PPP3CA: variants seen among roughly 807,000 people sequenced by gnomAD.
PPP3CA encodes the protein protein phosphatase 3 catalytic subunit alpha, also known as CAM-PRP catalytic subunit.
In PPP3CA, 14 loss-of-function variants were observed where a neutral mutation model predicts 66.5. That is an observed-to-expected ratio of 0.21 (90% CI 0.14 to 0.33). The LOEUF (loss-of-function observed/expected upper bound fraction) is 0.33, where lower values mean the gene tolerates loss of function less well. PPP3CA is among the 10% of genes least tolerant of loss of function. PPP3CA has a pLI of 1.00. For missense variants in PPP3CA, 317 were observed against 639.5 expected (o/e 0.50, Z 5.44); for synonymous variants, 232 against 226.2 (o/e 1.03, Z -0.23).
rs1208130262 is a variant in PPP3CA at position 101,090,906 on chromosome 4, C to G, written c.782+2870G>C. Among the ~76,000 whole-genome samples, 25 of 104,672 alleles carry G rather than the reference C, an allele frequency of 2.4e-4. 1 individual carries two copies. The highest frequency in any genetic ancestry group is 1.1e-3 in the African/African-American group (23 of 20,238). 68.7% of individuals were successfully genotyped at this position (104,672 alleles called of 152,430 possible). A position where few individuals can be genotyped will look rare whatever the true frequency, so the allele number is the denominator to read the frequency against. The stretch of plus-strand genomic sequence containing the variant: ...TTATAATATACACACATATCTGTGT[C>G]TATATTATAATATACACACATATCT... On this transcript the variant is annotated intron_variant, in intron 6 of 13. Coordinates refer to ENST00000394854, the MANE Select transcript of PPP3CA (RefSeq NM_000944.5).
intron 8 of PPP3CA, among the ~76,000 whole-genome samples, chr4:101,074,691 C>T (rs1182258186): frequency 6.6e-6 from 1 of 152,180 alleles, no homozygotes; most frequent in African/African-American, 2.4e-5. Flanking sequence ...AAGCCTATGA[C>T]TCCTTTTTGA....
intron 13 of PPP3CA, among the ~76,000 whole-genome samples, chr4:101,028,183 AAAAC>A (rs1406851696): frequency 1.3e-5 from 2 of 152,204 alleles, no homozygotes; most frequent in African/African-American, 2.4e-5. Flanking sequence ...AATTTTGAGA[AAAAC>A]AAAAAAGTTA....
intron 1 of PPP3CA, among the ~76,000 whole-genome samples, chr4:101,294,866 A>T (rs1267055499): frequency 7.0e-6 from 1 of 143,722 alleles, no homozygotes; most frequent in Admixed American, 6.9e-5. Context: ...AGAAACCACT[A>T]AAAAAAAAAA....
At chr4:101,169,939 T>C (rs1214878465) in intron 2 of PPP3CA, among the ~76,000 whole-genome samples, 3 of 152,186 alleles carry the variant, frequency 2.0e-5, no homozygotes, top group Non-Finnish European at 2.9e-5. Context: ...TGTCATGCAG[T>C]ATATTTTGAA....
chr4:101,259,176 C>G (rs1026056242), intron 1 of PPP3CA, among the ~76,000 whole-genome samples: 11 of 152,154 alleles, frequency 7.2e-5, no homozygotes, highest in African/African-American at 2.7e-4. Context: ...AGCCACCCCC[C>G]ACATACCAAC....
chr4:101,267,956 G>A (rs977325574), intron 1 of PPP3CA, among the ~76,000 whole-genome samples: 1 of 151,936 alleles, frequency 6.6e-6, no homozygotes, highest in Non-Finnish European at 1.5e-5. Context: ...ATATTTGATA[G>A]CCTGAGTTAA....
At chr4:101,298,339 GATAT>G (rs3078022) in intron 1 of PPP3CA, among the ~76,000 whole-genome samples, 15 of 143,730 alleles carry the variant, frequency 1.0e-4, no homozygotes, top group African/African-American at 2.3e-4. Flanking sequence ...CAAGCAGGGA[GATAT>G]ATATATATAT....
At chr4:101,202,466 T>C (rs1282017805) in intron 1 of PPP3CA, among the ~76,000 whole-genome samples, 1 of 152,140 alleles carries the variant, frequency 6.6e-6, no homozygotes, top group African/African-American at 2.4e-5. Flanking sequence ...TATATCAGTA[T>C]GGGGGATATG....
intron 11 of PPP3CA, 78 bp downstream of exon 11, chr4:101,040,404 C>A: frequency 1.0e-6 from 1 of 972,234 alleles, no homozygotes; most frequent in Non-Finnish European, 1.4e-6. Flanking sequence ...ATTTAAATTA[C>A]CAGATGAAAG....
intron 1 of PPP3CA, among the ~76,000 whole-genome samples, chr4:101,202,606 C>T (rs1177625974): frequency 1.3e-5 from 2 of 151,200 alleles, no homozygotes; most frequent in Non-Finnish European, 2.9e-5. Context: ...TAGGGTTCTA[C>T]TTACGCTACT....
intron 1 of PPP3CA, among the ~76,000 whole-genome samples, chr4:101,285,599 ATGTGTGTGTGTGTGTGTG>A (rs56681112): frequency 2.2e-3 from 271 of 124,592 alleles, no homozygotes; most frequent in Middle Eastern, 4.2e-3. Flanking sequence ...CACTGTGTGT[ATGTGTGTGTGTGTGTGTG>A]TGTGTGTGTG....
At chr4:101,299,550 G>A (rs1728309891) in intron 1 of PPP3CA, among the ~76,000 whole-genome samples, 1 of 151,886 alleles carries the variant, frequency 6.6e-6, no homozygotes, top group Non-Finnish European at 1.5e-5. Flanking sequence ...TGTCCTATAT[G>A]GGGTCTGTCA....
At chr4:101,028,948 T>C (rs1015801957) in intron 13 of PPP3CA, among the ~76,000 whole-genome samples, 3 of 152,138 alleles carry the variant, frequency 2.0e-5, no homozygotes, top group Admixed American at 6.5e-5. Context: ...GTATTCATCA[T>C]ATACAAAAGT....
intron 2 of PPP3CA, among the ~76,000 whole-genome samples, chr4:101,194,813 C>A (rs1014553925): frequency 7.2e-5 from 11 of 152,072 alleles, no homozygotes; most frequent in Non-Finnish European, 1.5e-4. Context: ...GTAATCCACC[C>A]ACCTCGGCCT....
intron 1 of PPP3CA, among the ~76,000 whole-genome samples, chr4:101,286,149 T>C (rs1166732778): frequency 6.6e-6 from 1 of 152,082 alleles, no homozygotes; most frequent in African/African-American, 2.4e-5. Flanking sequence ...TAGGGTTTGT[T>C]CTCCAAGGAG....
intron 1 of PPP3CA, among the ~76,000 whole-genome samples, chr4:101,257,954 G>T (rs1384129069): frequency 6.6e-6 from 1 of 151,990 alleles, no homozygotes; most frequent in Non-Finnish European, 1.5e-5. Context: ...TTAACATTAT[G>T]TCCTACTTGT....
At chr4:101,273,343 C>G (rs866154328) in intron 1 of PPP3CA, among the ~76,000 whole-genome samples, 1 of 151,450 alleles carries the variant, frequency 6.6e-6, no homozygotes, top group Non-Finnish European at 1.5e-5. Context: ...CCAGGCTGGA[C>G]AGAGAACCTA....
intron 1 of PPP3CA, among the ~76,000 whole-genome samples, chr4:101,287,944 C>A (rs1727897148): frequency 6.6e-6 from 1 of 150,842 alleles, no homozygotes; most frequent in Non-Finnish European, 1.5e-5. Context: ...TGCATCATAC[C>A]ATTTTTTTCC....
chr4:101,274,332 G>T (rs1727424769), intron 1 of PPP3CA, among the ~76,000 whole-genome samples: 2 of 152,070 alleles, frequency 1.3e-5, no homozygotes, highest in African/African-American at 4.8e-5. Context: ...AAATAAAGGA[G>T]AACTAACATA....
Sources: allele counts gnomAD v4.1 joint callset (sites outside exome capture counted in the v4.1 genomes callset), GRCh38; gene constraint gnomAD v4.1.1; transcripts MANE v1.5; gene names NCBI Gene and HGNC (gene_info 2026-07-23, HGNC 2026-07-21).